EIF3J: variants seen among roughly 807,000 people sequenced by gnomAD.
EIF3J encodes eukaryotic translation initiation factor 3, subunit 1 (alpha, 35kD).
In EIF3J, 15 loss-of-function variants were observed where a neutral mutation model predicts 39.0. The ratio of observed to expected loss-of-function variants is 0.38; its 90% CI spans 0.26 to 0.59. The LOEUF (loss-of-function observed/expected upper bound fraction) is 0.59. EIF3J is among the 20% of genes least tolerant of loss of function. EIF3J has a pLI of 0.60. For synonymous variants in EIF3J, 98 were observed against 112.9 expected (o/e 0.87, Z 0.84); for missense variants, 226 against 308.6 (o/e 0.73, Z 2.00).
intron 4 of EIF3J, 117 bp downstream of exon 4, chr15:44,551,639 A>G (rs2082099805): frequency 5.6e-6 from 4 of 718,324 alleles, no homozygotes; most frequent in African/African-American, 3.6e-5. Flanking sequence ...AATGGATACC[A>G]TAAGATAGGT....
intron 2 of EIF3J, among the ~76,000 whole-genome samples, chr15:44,540,184 G>T (rs1180860707): frequency 1.4e-5 from 2 of 144,386 alleles, no homozygotes; most frequent in South Asian, 4.3e-4. Context: ...TGATCCACCC[G>T]CCTCGGCCTC....
At chr15:44,539,808 C>A (rs1371114048) in intron 2 of EIF3J, among the ~76,000 whole-genome samples, 1 of 151,396 alleles carries the variant, frequency 6.6e-6, no homozygotes, top group African/African-American at 2.4e-5. Context: ...CACCCCGTTT[C>A]CCAGGCTGGA....
At chr15:44,549,342 G>C (rs1263414512) in intron 2 of EIF3J, among the ~76,000 whole-genome samples, 1 of 151,966 alleles carries the variant, frequency 6.6e-6, no homozygotes, top group African/African-American at 2.4e-5. Context: ...AGTGAGCCTA[G>C]ATCATGCCAT....
chr15:44,560,949 G>C, intron 7 of EIF3J, 69 bp from the exon 8 acceptor site: 2 of 1,571,482 alleles, frequency 1.3e-6, no homozygotes, highest in Non-Finnish European at 1.7e-6. Context: ...TTGTTTATGA[G>C]GGTTGCTGTA....
At position 44,537,209 on chromosome 15, in the gene EIF3J, G is replaced by A. The variant is rs753296236; in HGVS notation, c.15G>A (p.Ala5=). Residue 5 remains alanine (A), a synonymous_variant, in exon 1 of 8, where the codon GCG becomes GCA. Transcript: ENST00000261868. MAAA[A]AAAGDSDSWD... is the part of the protein sequence containing the mutation. ...CCCGGCTCGAGATGGCGGCGGCGGCGGCGGCGGCGGGGGACTCGGACTCCT... is the reference window on the plus strand; with the variant it reads ...CCCGGCTCGAGATGGCGGCGGCGGCAGCGGCGGCGGGGGACTCGGACTCCT... The A allele has an allele frequency of 1.9e-6, 3 of 1,605,878 alleles. No individual in the cohort carries two copies. The highest frequency in any genetic ancestry group is 3.4e-5 in the Admixed American group (2 of 59,256).
chr15:44,553,504 GAA>G, intron 4 of EIF3J, among the ~76,000 whole-genome samples: 1 of 150,990 alleles, frequency 6.6e-6, no homozygotes, highest in African/African-American at 2.4e-5. Flanking sequence ...AAAAAAAAAA[GAA>G]AAAATAATTA....
At chr15:44,539,532 C>T (rs546193059) in intron 2 of EIF3J, among the ~76,000 whole-genome samples, 119 of 151,496 alleles carry the variant, frequency 7.9e-4, no homozygotes, top group Middle Eastern at 3.4e-3. Context: ...CTCAGCCTCC[C>T]GAGGACTACA....
In EIF3J at chr15:44,537,170, C is replaced by G. The variant is rs1335947201; in HGVS notation, c.-25C>G. The G allele has an allele frequency of 1.2e-6, 2 of 1,612,948 alleles. No homozygotes were observed. ...CTAACTCCTCGCTAGCTCTCCCTCT[C>G]ACACACGCTCACACCCGGCTCGAGA... On this transcript the variant is annotated 5_prime_UTR_variant, in exon 1 of 8. Transcript: ENST00000261868.
chr15:44,558,753 T>A (rs1235033878), intron 6 of EIF3J: 1 of 152,208 alleles, frequency 6.6e-6, no homozygotes, highest in Non-Finnish European at 1.5e-5. Context: ...TTGCAGTTTT[T>A]AAGATGGAGA....
chr15:44,540,925 A>AT (rs1398595213), intron 2 of EIF3J, among the ~76,000 whole-genome samples: 1 of 152,120 alleles, frequency 6.6e-6, no homozygotes, highest in East Asian at 1.9e-4. Flanking sequence ...TGTTATTATA[A>AT]TTTGCTCCAG....
intron 4 of EIF3J, among the ~76,000 whole-genome samples, 164 bp from the exon 5 acceptor site, chr15:44,554,375 TAAAAAAAAAAAAAA>T (rs59415615): frequency 1.6e-5 from 1 of 61,882 alleles, no homozygotes; most frequent in Admixed American, 1.8e-4. Flanking sequence ...AGGCTCTGTC[TAAAAAAAAAAAAAA>T]AAAAAAAAAA....
At position 44,562,350 on chromosome 15, in the gene EIF3J, A is replaced by G. The variant is rs1420297142; in HGVS notation, c.*1201A>G. The stretch of plus-strand genomic sequence containing the variant: ...AATTAAGTACCTATAAGAACTATTT[A>G]TTTGGAGTAACTGAGCCTGTAACTC... On this transcript the variant is annotated 3_prime_UTR_variant, in exon 8 of 8. Coordinates refer to ENST00000261868, the MANE Select transcript of EIF3J (RefSeq NM_003758.4). 2 of 152,636 alleles carry G rather than the reference A, an allele frequency of 1.3e-5. No homozygotes were observed. Among genetic ancestry groups the G allele is most frequent in the Admixed American group, 1.3e-4 (2 of 15,268 alleles). 9.5% of individuals were successfully genotyped at this position (152,636 alleles called of 1,614,324 possible).
chr15:44,543,584 T>C (rs1403273363), intron 2 of EIF3J, among the ~76,000 whole-genome samples: 1 of 152,108 alleles, frequency 6.6e-6, no homozygotes, highest in East Asian at 1.9e-4. Flanking sequence ...CAGCTAATTT[T>C]TGTATTTTTA....
At chr15:44,544,960 C>T (rs2082042085) in intron 2 of EIF3J, among the ~76,000 whole-genome samples, 1 of 150,464 alleles carries the variant, frequency 6.6e-6, no homozygotes, top group African/African-American at 2.4e-5. Context: ...GCTGAGATTG[C>T]GCCACTGCAC....
intron 7 of EIF3J, chr15:44,560,569 T>G (rs1249661398): frequency 6.4e-6 from 3 of 471,688 alleles, no homozygotes; most frequent in Non-Finnish European, 1.1e-5. Flanking sequence ...CACTGCTACT[T>G]AATAGGTATA....
chr15:44,538,245 G>A (rs368355751), intron 2 of EIF3J, among the ~76,000 whole-genome samples: 4 of 150,922 alleles, frequency 2.7e-5, no homozygotes, highest in African/African-American at 9.7e-5. Flanking sequence ...TGAAAACTCC[G>A]AAGGGTTCAT....
chr15:44,547,340 T>TC, intron 2 of EIF3J, among the ~76,000 whole-genome samples: 1 of 151,404 alleles, frequency 6.6e-6, no homozygotes, highest in Middle Eastern at 3.4e-3. Context: ...ACGGGGTTTC[T>TC]CCATGTTGGT....
intron 4 of EIF3J, among the ~76,000 whole-genome samples, chr15:44,552,200 G>C (rs2082105061): frequency 6.6e-6 from 1 of 151,956 alleles, no homozygotes; most frequent in Non-Finnish European, 1.5e-5. Flanking sequence ...CTATATAAAT[G>C]TATTTGTTTT....
At chr15:44,541,138 A>T (rs2082011560) in intron 2 of EIF3J, among the ~76,000 whole-genome samples, 1 of 152,102 alleles carries the variant, frequency 6.6e-6, no homozygotes, top group Non-Finnish European at 1.5e-5. Context: ...TACCTTTTTT[A>T]CTATCCTGAT....
Sources: gnomAD v4.1 joint callset for allele counts (sites outside exome capture counted in the v4.1 genomes callset) on GRCh38, gnomAD v4.1.1 for gene constraint, MANE v1.5 for transcripts, NCBI Gene and HGNC (gene_info 2026-07-23, HGNC 2026-07-21) for gene names.